Variants in ABCB1 observed in about 807,000 individuals in gnomAD.
ABCB1 encodes ATP-dependent translocase ABCB1.
Under a neutral mutation model 142.0 loss-of-function variants are expected in ABCB1, and 69 were observed. The observed-to-expected ratio is 0.49, with a 90% CI of 0.40 to 0.59. ABCB1 has a LOEUF of 0.59. ABCB1 is among the 20% of genes least tolerant of loss of function. ABCB1 has a pLI of 0.00. For missense variants in ABCB1, 1,326 were observed against 1,554.7 expected (o/e 0.85, Z 2.47); for synonymous variants, 532 against 539.2 (o/e 0.99, Z 0.18).
At chr7:87,539,868 T>C (rs1232151600) in intron 18 of ABCB1, among the ~76,000 whole-genome samples, 1 of 152,220 alleles carries the variant, frequency 6.6e-6, no homozygotes, top group African/African-American at 2.4e-5. Flanking sequence ...GCTTCACCAA[T>C]TCAAATCGTC....
At chr7:87,611,629 G>A (rs1401072332) in intron 1 of ABCB1, among the ~76,000 whole-genome samples, 1 of 151,584 alleles carries the variant, frequency 6.6e-6, no homozygotes, top group East Asian at 1.9e-4. Context: ...CTGTTAATAA[G>A]CACCTAGGTT....
At chr7:87,680,201 T>C (rs1347879475) in intron 1 of ABCB1, among the ~76,000 whole-genome samples, 1 of 150,506 alleles carries the variant, frequency 6.6e-6, no homozygotes, top group Non-Finnish European at 1.5e-5. Context: ...GCAAAGGACA[T>C]GACCTCATCC....
chr7:87,603,643 A>G (rs1358034620), upstream of ABCB1, among the ~76,000 whole-genome samples: 1 of 152,230 alleles, frequency 6.6e-6, no homozygotes, highest in Non-Finnish European at 1.5e-5. Flanking sequence ...GGCTTCTCAG[A>G]TGATATGTGC....
At chr7:87,536,616 G>C in intron 19 of ABCB1, 75 bp from the exon 20 acceptor site, 9 of 1,386,422 alleles carry the variant, frequency 6.5e-6, no homozygotes, top group Non-Finnish European at 9.2e-6. Context: ...CAGCGATGGG[G>C]TCAGTTTTGT....
In ABCB1 at chr7:87,553,895, T is replaced by C. The variant is rs1176774424; in HGVS notation, c.865A>G (p.Ile289Val). The change falls in exon 9 of 28, where the codon ATA becomes GTA. Residue 289 changes from isoleucine (I) to valine (V), a missense_variant. Coordinates refer to ENST00000622132, the MANE Select transcript of ABCB1 (RefSeq NM_001348946.2). ...KNLEEAKRIG[I>V]KKAITANISI... ...ATATTGGCTGTAATAGCTTTCTTTATCCCAATTCTTTTAGCTTCTTCTAAA... is the reference window on the plus strand; with the variant it reads ...ATATTGGCTGTAATAGCTTTCTTTACCCCAATTCTTTTAGCTTCTTCTAAA... The C allele has an allele frequency of 6.2e-7, 1 of 1,614,068 alleles. No homozygotes were observed. Among genetic ancestry groups the C allele is most frequent in the East Asian group, 2.2e-5 (1 of 44,862 alleles).
intron 1 of ABCB1, among the ~76,000 whole-genome samples, chr7:87,678,580 A>G (rs1299632134): frequency 6.6e-6 from 1 of 152,224 alleles, no homozygotes; most frequent in Non-Finnish European, 1.5e-5. Flanking sequence ...ATAAAATGGT[A>G]GACCTAAATC....
chr7:87,654,991 AT>A (rs988619845), intron 1 of ABCB1, among the ~76,000 whole-genome samples: 37 of 152,096 alleles, frequency 2.4e-4, no homozygotes, highest in African/African-American at 8.4e-4. Context: ...ATAGTGAGAT[AT>A]CCCCTCGTTA....
intron 21 of ABCB1, among the ~76,000 whole-genome samples, chr7:87,527,777 A>C (rs1160603326): frequency 2.6e-5 from 4 of 152,196 alleles, no homozygotes. Context: ...ACTTGAACTC[A>C]CTGCAGTAGC....
chr7:87,628,234 C>T (rs987627965), intron 1 of ABCB1, among the ~76,000 whole-genome samples: 4 of 152,224 alleles, frequency 2.6e-5, no homozygotes, highest in African/African-American at 9.6e-5. Context: ...AGCCCAGCGT[C>T]CTTGACAGCA....
intron 25 of ABCB1, among the ~76,000 whole-genome samples, chr7:87,514,792 T>C (rs901872291): frequency 2.0e-5 from 3 of 152,240 alleles, no homozygotes; most frequent in African/African-American, 4.8e-5. Context: ...AGCCCATTCA[T>C]TGCTAGATTC....
chr7:87,706,161 C>G (rs1303004029), intron 1 of ABCB1, among the ~76,000 whole-genome samples: 1 of 152,196 alleles, frequency 6.6e-6, no homozygotes, highest in Non-Finnish European at 1.5e-5. Context: ...CATATCCATG[C>G]ATCTTTCCAT....
intron 8 of ABCB1, among the ~76,000 whole-genome samples, chr7:87,556,836 T>C (rs60749469): frequency 0.13 from 19,103 of 152,086 alleles, 1,843 homozygotes; most frequent in African/African-American, 0.27. Context: ...TCATGGCCCA[T>C]CATCCCCACA....
At chr7:87,631,847 G>A (rs1821256662) in intron 1 of ABCB1, among the ~76,000 whole-genome samples, 1 of 151,972 alleles carries the variant, frequency 6.6e-6, no homozygotes, top group Non-Finnish European at 1.5e-5. Context: ...GTTCATTTTT[G>A]TTGTCTGTAA....
intron 7 of ABCB1, 21 bp from the exon 8 acceptor site, chr7:87,561,408 G>T: frequency 6.3e-7 from 1 of 1,599,536 alleles, no homozygotes; most frequent in East Asian, 2.2e-5. Context: ...ATACAATTTT[G>T]GATCATGAAA....
At chr7:87,636,692 A>G (rs1201212633) in intron 1 of ABCB1, among the ~76,000 whole-genome samples, 1 of 152,172 alleles carries the variant, frequency 6.6e-6, no homozygotes, top group Non-Finnish European at 1.5e-5. Context: ...TTACATTTAT[A>G]TCAACAATCC....
At chr7:87,709,916 A>G (rs936425609) in intron 1 of ABCB1, among the ~76,000 whole-genome samples, 1 of 152,182 alleles carries the variant, frequency 6.6e-6, no homozygotes, top group Non-Finnish European at 1.5e-5. Flanking sequence ...TACTTTTAGT[A>G]AGAATTGTCT....
rs201520086 is a variant in ABCB1 at position 87,509,310 on chromosome 7, C to A, written c.3454G>T (p.Ala1152Ser). ...QEEIVRAAKEANIHAFIESLP... is the reference protein window; with the variant it reads ...QEEIVRAAKESNIHAFIESLP... ...GACTCGATGAAGGCATGTATGTTGGCCTCCTTTGCTGCCCTCACAATCTCT... is the reference window on the plus strand; with the variant it reads ...GACTCGATGAAGGCATGTATGTTGGACTCCTTTGCTGCCCTCACAATCTCT... Residue 1152 changes from alanine to serine, a missense_variant, in exon 26 of 28, where the codon GCC becomes TCC. Coordinates refer to ENST00000622132, the MANE Select transcript of ABCB1 (RefSeq NM_001348946.2). 6.2e-7 allele frequency: 1 copy of A among 1,614,138 alleles called. No individual in the cohort carries two copies. Among genetic ancestry groups the A allele is most frequent in the Non-Finnish European group, 8.5e-7 (1 of 1,180,022 alleles).
chr7:87,668,146 T>C (rs1563117613), intron 1 of ABCB1, among the ~76,000 whole-genome samples: 1 of 151,976 alleles, frequency 6.6e-6, no homozygotes, highest in Non-Finnish European at 1.5e-5. Flanking sequence ...GGCTATTTAT[T>C]ACTGATTTGA....
intron 7 of ABCB1, among the ~76,000 whole-genome samples, chr7:87,565,751 GT>G (rs535255207): frequency 1.1e-3 from 162 of 145,040 alleles, no homozygotes; most frequent in Middle Eastern, 0.011. Flanking sequence ...TGGAGTTCAA[GT>G]TTTTTTTTTT....
Sources: allele counts gnomAD v4.1 joint callset (sites outside exome capture counted in the v4.1 genomes callset), GRCh38; gene constraint gnomAD v4.1.1; transcripts MANE v1.5; gene names NCBI Gene and HGNC (gene_info 2026-07-23, HGNC 2026-07-21).